DOK6: variants seen among roughly 807,000 people sequenced by gnomAD.
The protein encoded by DOK6 is downstream of tyrosine kinase 6.
DOK6 carries 22 observed loss-of-function variants against 44.0 expected under a neutral mutation model. That is an observed-to-expected ratio of 0.50 (90% CI 0.36 to 0.71). The LOEUF (loss-of-function observed/expected upper bound fraction) is 0.71. Among genes scored for constraint, DOK6 ranks in the 30% least tolerant of loss-of-function variants. DOK6 has a pLI of 0.00. For synonymous variants in DOK6, 166 were observed against 145.5 expected (o/e 1.14, Z -1.01); for missense variants, 340 against 416.4 (o/e 0.82, Z 1.60).
intron 3 of DOK6, among the ~76,000 whole-genome samples, chr18:69,652,472 C>G (rs1423808442): frequency 2.9e-4 from 44 of 152,078 alleles, no homozygotes; most frequent in Non-Finnish European, 1.0e-4. Flanking sequence ...GCTGAGAGAC[C>G]AAAGAATGAC....
At chr18:69,459,004 G>C (rs2122471379) in intron 1 of DOK6, among the ~76,000 whole-genome samples, 1 of 151,938 alleles carries the variant, frequency 6.6e-6, no homozygotes, top group Non-Finnish European at 1.5e-5. Flanking sequence ...GCTGAGGCAG[G>C]AGAATTGCTT....
chr18:69,771,617 A>G (rs1408587062), intron 7 of DOK6, among the ~76,000 whole-genome samples: 1 of 151,954 alleles, frequency 6.6e-6, no homozygotes, highest in Non-Finnish European at 1.5e-5. Context: ...TCTCATTTAC[A>G]GAGCGCAAAA....
intron 5 of DOK6, among the ~76,000 whole-genome samples, chr18:69,722,335 TGTG>T (rs1978290070): frequency 6.6e-6 from 1 of 152,194 alleles, no homozygotes; most frequent in Admixed American, 6.5e-5. Flanking sequence ...TCCTCATTAG[TGTG>T]GGGGACATCC....
chr18:69,467,399 C>T (rs535708364), intron 1 of DOK6, among the ~76,000 whole-genome samples: 6 of 152,026 alleles, frequency 3.9e-5, no homozygotes, highest in Admixed American at 3.3e-4. Flanking sequence ...TATTTTGAAT[C>T]AGGAACATGA....
chr18:69,794,120 T>C (rs1980676588), intron 7 of DOK6, among the ~76,000 whole-genome samples: 2 of 152,188 alleles, frequency 1.3e-5, no homozygotes, highest in South Asian at 4.1e-4. Flanking sequence ...ATTTATGAAA[T>C]AATCCTGTTA....
chr18:69,772,052 T>A (rs1426295544), intron 7 of DOK6, among the ~76,000 whole-genome samples: 1 of 150,194 alleles, frequency 6.7e-6, no homozygotes, highest in Admixed American at 6.7e-5. Context: ...ACACCTTTAG[T>A]CCCAGATACT....
intron 1 of DOK6, among the ~76,000 whole-genome samples, chr18:69,539,250 A>G (rs549120041): frequency 5.5e-4 from 84 of 152,296 alleles, no homozygotes; most frequent in Middle Eastern, 6.8e-3. Flanking sequence ...GTCGTTCATC[A>G]AATTTAGTAT....
intron 1 of DOK6, among the ~76,000 whole-genome samples, chr18:69,441,865 AAGG>A (rs1241490759): frequency 2.0e-5 from 3 of 152,158 alleles, no homozygotes; most frequent in Non-Finnish European, 4.4e-5. Flanking sequence ...TGAATGCCTT[AAGG>A]AGGAGACAAT....
At chr18:69,572,057 C>T (rs1341161009) in intron 2 of DOK6, among the ~76,000 whole-genome samples, 1 of 151,940 alleles carries the variant, frequency 6.6e-6, no homozygotes, top group Non-Finnish European at 1.5e-5. Context: ...AAATCAATAA[C>T]AATGTATTAT....
intron 3 of DOK6, among the ~76,000 whole-genome samples, chr18:69,612,456 A>ATG (rs1984176307): frequency 1.4e-5 from 2 of 146,596 alleles, no homozygotes; most frequent in Non-Finnish European, 1.5e-5. Flanking sequence ...CATGTGTGCG[A>ATG]GCGTGCATAT....
Position 69,698,280 on chromosome 18 carries a change from A to G in DOK6, c.410-124A>G, listed in dbSNP as rs1693562192. 6.4e-6 allele frequency: 5 copies of G among 787,394 alleles called. No individual in the cohort carries two copies. The South Asian group carries it at 7.9e-5, about 12-fold the overall frequency. 48.8% of individuals were successfully genotyped at this position (787,394 alleles called of 1,614,324 possible). On this transcript the variant is annotated intron_variant, in intron 4 of 7. Coordinates refer to ENST00000382713, the MANE Select transcript of DOK6 (RefSeq NM_152721.6). ...ATGTCATGTTCTACAATGTTTATCC[A>G]TATCACCTAGGGAGGATGTGGTCAT...
At position 69,598,563 on chromosome 18, in the gene DOK6, G is replaced by GA. The variant is rs1983800272; in HGVS notation, c.175-815dup. 2.6e-5 allele frequency among the ~76,000 whole-genome samples: 4 copies of GA among 152,042 alleles called. No individual in the cohort carries two copies. In the South Asian group the frequency reaches 8.3e-4, roughly 32 times the overall value. ...AAATAAGAAATCTTATAAATTAGAAGAAAAAATTCGCACCTTGATAAGCAG... is the reference window on the plus strand; with the variant it reads ...AAATAAGAAATCTTATAAATTAGAAGAAAAAAATTCGCACCTTGATAAGCAG... On this transcript the variant is annotated intron_variant, in intron 2 of 7. Transcript: ENST00000382713.
chr18:69,735,336 A>C (rs1978567889), intron 5 of DOK6, among the ~76,000 whole-genome samples: 2 of 152,336 alleles, frequency 1.3e-5, no homozygotes, highest in South Asian at 4.1e-4. Flanking sequence ...AAGGGTTCCC[A>C]AGGCCACCCT....
intron 1 of DOK6, among the ~76,000 whole-genome samples, chr18:69,563,408 C>A (rs1389354437): frequency 6.6e-6 from 1 of 152,066 alleles, no homozygotes; most frequent in Non-Finnish European, 1.5e-5. Context: ...ACCCAAATGT[C>A]CAACAATGAT....
chr18:69,845,298 TAA>T lies in DOK6; in HGVS notation c.*3918_*3919del, dbSNP rs1253326217. ...TTTAAGGCTTTAACAATTCGTGTTT[TAA>T]AATATTATATTGAAGACTGCACAAA... On this transcript the variant is annotated 3_prime_UTR_variant, in exon 8 of 8. Coordinates refer to ENST00000382713, the MANE Select transcript of DOK6 (RefSeq NM_152721.6). 6.6e-6 allele frequency: 1 copy of T among 152,246 alleles called. No homozygotes were observed. Among genetic ancestry groups the T allele is most frequent in the Non-Finnish European group, 1.5e-5 (1 of 68,040 alleles). The allele number at this position is 152,246 out of a possible 1,614,324, so 9.4% of individuals were successfully genotyped here.
chr18:69,748,905 C>A (rs1311370915), intron 6 of DOK6, among the ~76,000 whole-genome samples: 1 of 152,136 alleles, frequency 6.6e-6, no homozygotes, highest in Non-Finnish European at 1.5e-5. Context: ...GGAATCAACC[C>A]AAATGCCCAC....
intron 1 of DOK6, among the ~76,000 whole-genome samples, chr18:69,507,576 T>G (rs952283491): frequency 6.6e-6 from 1 of 152,138 alleles, no homozygotes; most frequent in Non-Finnish European, 1.5e-5. Context: ...ATCAACATTT[T>G]ATAGATTTCA....
intron 2 of DOK6, among the ~76,000 whole-genome samples, chr18:69,565,943 C>G (rs903541574): frequency 2.0e-5 from 3 of 152,204 alleles, no homozygotes; most frequent in Non-Finnish European, 2.9e-5. Context: ...TGAAACCTAA[C>G]TTAATGAGGA....
intron 1 of DOK6, among the ~76,000 whole-genome samples, chr18:69,481,649 T>C (rs990963426): frequency 5.9e-5 from 9 of 152,254 alleles, no homozygotes; most frequent in African/African-American, 2.2e-4. Context: ...TGGTTCCAAG[T>C]CTTTGCTATT....
Sources: gnomAD v4.1 joint callset for allele counts (sites outside exome capture counted in the v4.1 genomes callset) on GRCh38, gnomAD v4.1.1 for gene constraint, MANE v1.5 for transcripts, NCBI Gene and HGNC (gene_info 2026-07-23, HGNC 2026-07-21) for gene names.